Variants in TNNI3K observed in about 807,000 individuals in gnomAD.
TNNI3K encodes the protein serine/threonine-protein kinase TNNI3K.
Under a neutral mutation model 114.5 loss-of-function variants are expected in TNNI3K, and 140 were observed. The ratio of observed to expected loss-of-function variants is 1.22; its 90% confidence interval spans 1.07 to 1.41. The LOEUF (loss-of-function observed/expected upper bound fraction) is 1.41. TNNI3K is among the 40% of genes most tolerant of loss of function. The pLI, the probability that TNNI3K is intolerant of heterozygous loss-of-function variation, is 0.00. For missense variants in TNNI3K, 1,125 were observed against 1,007.6 expected, an observed-to-expected ratio of 1.12 and a Z score of -1.58; for synonymous variants, 347 against 347.5, an observed-to-expected ratio of 1.00 and a Z score of 0.02.
intron 23 of TNNI3K, among the ~76,000 whole-genome samples, chr1:74,496,438 A>G (rs998907520): frequency 3.3e-5 from 5 of 152,136 alleles, no homozygotes; most frequent in Admixed American, 2.6e-4. Context: ...AAATCAGTAC[A>G]AGGTTTTTCC....
intron 19 of TNNI3K, among the ~76,000 whole-genome samples, chr1:74,438,384 C>T (rs1666229957): frequency 6.6e-6 from 1 of 152,036 alleles, no homozygotes; most frequent in Non-Finnish European, 1.5e-5. Flanking sequence ...ATAAGGTGGA[C>T]ATTTCAAAAG....
At chr1:74,504,803 C>A (rs1669808388) in intron 23 of TNNI3K, among the ~76,000 whole-genome samples, 1 of 152,096 alleles carries the variant, frequency 6.6e-6, no homozygotes, top group African/African-American at 2.4e-5. Context: ...TCTTTTCTAT[C>A]CGTCAGCAGT....
At chr1:74,519,711 G>T (rs1435825281) in intron 23 of TNNI3K, among the ~76,000 whole-genome samples, 1 of 152,076 alleles carries the variant, frequency 6.6e-6, no homozygotes, top group African/African-American at 2.4e-5. Flanking sequence ...ATCTTTAAAA[G>T]AAAATTACAT....
intron 21 of TNNI3K, among the ~76,000 whole-genome samples, chr1:74,477,739 G>T (rs901230205): frequency 1.3e-5 from 2 of 152,166 alleles, no homozygotes; most frequent in Admixed American, 6.6e-5. Context: ...TTCCATTAGT[G>T]CAGAAAGCAA....
intron 5 of TNNI3K, among the ~76,000 whole-genome samples, chr1:74,327,718 ATAT>A (rs1329372885): frequency 6.8e-6 from 1 of 147,070 alleles, no homozygotes; most frequent in Non-Finnish European, 1.5e-5. Context: ...ACATTTAATA[ATAT>A]TAAACACATA....
intron 2 of TNNI3K, among the ~76,000 whole-genome samples, chr1:74,246,699 T>C (rs905319369): frequency 2.0e-5 from 3 of 152,186 alleles, no homozygotes; most frequent in African/African-American, 7.2e-5. Context: ...GAGCTAATCA[T>C]AATGAACTTA....
intron 21 of TNNI3K, chr1:74,471,672 C>A (rs1019257671): frequency 2.5e-6 from 1 of 400,662 alleles, no homozygotes; most frequent in African/African-American, 2.1e-5. Flanking sequence ...ACATCATCGA[C>A]CTATTTATTT....
intron 20 of TNNI3K, among the ~76,000 whole-genome samples, chr1:74,458,126 G>C (rs1294439124): frequency 6.6e-6 from 1 of 152,160 alleles, no homozygotes; most frequent in African/African-American, 2.4e-5. Context: ...CCAACAATGT[G>C]CCTGGAGCTC....
intron 5 of TNNI3K, among the ~76,000 whole-genome samples, chr1:74,314,637 C>A (rs527962963): frequency 6.6e-6 from 1 of 152,038 alleles, no homozygotes; most frequent in Non-Finnish European, 1.5e-5. Flanking sequence ...GCTTGGGTTG[C>A]ACAACTTGAT....
In TNNI3K at chr1:74,424,913, T is replaced by C. The variant is rs1665562572; in HGVS notation, c.1773-11167T>C. ...TAGTTTTAATCCACCTGGAGAAATA[T>C]GAGATCTGTGCAAAGAGAAAAAAAG... On this transcript the variant is annotated intron_variant, in intron 17 of 24. Coordinates refer to ENST00000326637, the MANE Select transcript of TNNI3K (RefSeq NM_015978.3). Among the ~76,000 whole-genome samples the C allele has an allele frequency of 2.0e-5, 3 of 152,190 alleles. No individual in the cohort carries two copies. In the South Asian group the frequency reaches 6.2e-4, roughly 32 times the overall value.
chr1:74,256,948 T>A (rs144167942), intron 4 of TNNI3K, among the ~76,000 whole-genome samples: 3,339 of 152,298 alleles, frequency 0.022, 48 homozygotes, highest in Non-Finnish European at 0.034. Context: ...TGAGATTCAC[T>A]GAGTTTTTAT....
intron 23 of TNNI3K, among the ~76,000 whole-genome samples, chr1:74,509,221 T>C (rs1052349323): frequency 2.0e-5 from 3 of 152,220 alleles, no homozygotes; most frequent in Non-Finnish European, 4.4e-5. Flanking sequence ...TTTGACAGTG[T>C]TGACCATTCC....
intron 23 of TNNI3K, among the ~76,000 whole-genome samples, chr1:74,525,924 A>G (rs982820644): frequency 6.6e-6 from 1 of 152,220 alleles, no homozygotes; most frequent in Non-Finnish European, 1.5e-5. Flanking sequence ...AAGGCACCCC[A>G]GCTACATAAT....
At chr1:74,317,779 G>A (rs1212081979) in intron 5 of TNNI3K, among the ~76,000 whole-genome samples, 1 of 152,118 alleles carries the variant, frequency 6.6e-6, no homozygotes, top group Non-Finnish European at 1.5e-5. Context: ...GTCTATCCCT[G>A]GACCTGTGTC....
At chr1:74,273,899 C>T (rs570036274) in intron 5 of TNNI3K, among the ~76,000 whole-genome samples, 10 of 151,868 alleles carry the variant, frequency 6.6e-5, no homozygotes, top group Non-Finnish European at 2.9e-5. Context: ...AAAGGGTATC[C>T]AAAACTATCT....
chr1:74,343,068 A>C lies in TNNI3K; in HGVS notation c.828-7A>C, dbSNP rs201915849. The C allele has an allele frequency of 5.6e-6, 9 of 1,613,154 alleles. No homozygotes were observed. The South Asian group carries it at 6.6e-5, about 12-fold the overall frequency. The stretch of plus-strand genomic sequence containing the variant: ...CAATATTAACAAGATATTTTCTTCA[A>C]ATCTAGGGCATGCTACAATGGCAAA... On this transcript the variant is annotated splice_region_variant and splice_polypyrimidine_tract_variant and intron_variant, in intron 8 of 24. Transcript: ENST00000326637.
intron 17 of TNNI3K, among the ~76,000 whole-genome samples, chr1:74,417,244 T>G (rs1327610563): frequency 2.0e-5 from 3 of 152,050 alleles, no homozygotes; most frequent in Non-Finnish European, 4.4e-5. Flanking sequence ...TCAGATCTCC[T>G]GTAGACAGGA....
At chr1:74,350,721 T>C (rs1661291189) in intron 9 of TNNI3K, among the ~76,000 whole-genome samples, 1 of 152,172 alleles carries the variant, frequency 6.6e-6, no homozygotes, top group South Asian at 2.1e-4. Context: ...CATTATGTAA[T>C]GGCCTTCTTT....
chr1:74,439,715 C>A, intron 20 of TNNI3K, 93 bp downstream of exon 20: 1 of 1,545,242 alleles, frequency 6.5e-7, no homozygotes, highest in Non-Finnish European at 8.7e-7. Context: ...AATGATTAGT[C>A]TCAGTGAGAT....
Sources: allele counts gnomAD v4.1 joint callset (sites outside exome capture counted in the v4.1 genomes callset), GRCh38; gene constraint gnomAD v4.1.1; transcripts MANE v1.5; gene names NCBI Gene and HGNC (gene_info 2026-07-23, HGNC 2026-07-21).